Variants in MYH8 observed in about 807,000 individuals in gnomAD.
The protein encoded by MYH8 is myosin heavy chain 8.
Under a neutral mutation model 233.2 loss-of-function variants are expected in MYH8, and 168 were observed. That is an observed-to-expected ratio of 0.72 (90% CI 0.64 to 0.82). The LOEUF (loss-of-function observed/expected upper bound fraction) is 0.82. MYH8 is among the 40% of genes least tolerant of loss of function. MYH8 has a pLI of 0.00. For synonymous variants in MYH8, 785 were observed against 850.6 expected, an observed-to-expected ratio of 0.92 and a Z score of 1.34; for missense variants, 1,995 against 2,327.8, an observed-to-expected ratio of 0.86 and a Z score of 2.94.
In MYH8 at chr17:10,398,564, T is replaced by C; in HGVS notation, c.4058A>G (p.Glu1353Gly). The C allele has an allele frequency of 6.2e-7, 1 of 1,614,196 alleles. No individual in the cohort carries two copies. Among genetic ancestry groups the C allele is most frequent in the Non-Finnish European group, 8.5e-7 (1 of 1,180,026 alleles). Residue 1353 changes from glutamate to glycine, a missense_variant, in exon 30 of 40, where the codon GAG (glutamate) becomes GGG (glycine). By Grantham distance (98) the Glu-to-Gly change is moderately conservative. This residue lies in a region of MYH8 where 1,498 missense variants were observed against 1,680.9 expected (regional missense o/e 0.89). Transcript: ENST00000403437. ...CTGCAGCTCAGCTTTGCCTTCCTGC[T>C]CTTCCTCATACTGTTCCCGCAGCAG... Reference protein sequence around the residue: ...CDLLREQYEEEQEGKAELQRA... With the variant: ...CDLLREQYEEGQEGKAELQRA...
At chr17:10,407,458 T>C (rs2072204728) in intron 17 of MYH8, among the ~76,000 whole-genome samples, 1 of 152,220 alleles carries the variant, frequency 6.6e-6, no homozygotes. Context: ...AGTTAGCAAT[T>C]GTCCTAACTT....
At position 10,406,660 on chromosome 17, in the gene MYH8, T is replaced by C; in HGVS notation, c.2171+30A>G. The C allele has an allele frequency of 1.3e-6, 2 of 1,564,096 alleles. 1 individual carries two copies. Among genetic ancestry groups the C allele is most frequent in the Middle Eastern group, 3.8e-4 (2 of 5,332 alleles). Reference sequence around the variant, plus strand: ...TTTTTTAATACATACTAATTCACAGTGTTAATGAAATACATCAAAGAAGAC... The same window carrying C: ...TTTTTTAATACATACTAATTCACAGCGTTAATGAAATACATCAAAGAAGAC... On this transcript the variant is annotated intron_variant, in intron 19 of 39. Transcript: ENST00000403437.
chr17:10,399,572 G>T lies in MYH8; in HGVS notation c.3833C>A (p.Ala1278Glu), dbSNP rs1348715591. The change falls in exon 28 of 40, where the codon GCA becomes GAA. Residue 1278 changes from alanine to glutamate, a missense_variant. Ala to Glu is a moderately radical substitution (Grantham distance 107). Coordinates refer to ENST00000403437, the MANE Select transcript of MYH8 (RefSeq NM_002472.3). ...EQQRLINDLT[A>E]QRARLQTEAG... ...TTCTGTCTGCAGGCGCGCTCTCTGT[G>T]CTGTGAGGTCATTGATCAGCCGCTG... The T allele has an allele frequency of 1.2e-6, 2 of 1,613,936 alleles. No individual in the cohort carries two copies. The highest frequency in any genetic ancestry group is 3.4e-4 in the Middle Eastern group (2 of 5,874).
chr17:10,396,191 A>C lies in MYH8; in HGVS notation c.4653+139T>G. ...ATAGAATTGATAGGTCAGAGTATTT[A>C]CATTTTTAAGGATTTTGATAACTAT... On this transcript the variant is annotated intron_variant, in intron 33 of 39. Coordinates refer to ENST00000403437, the MANE Select transcript of MYH8 (RefSeq NM_002472.3). This position sits in a 1 kb window ranked among gnomAD's most constrained non-coding sequence, Gnocchi z 4.2. The C allele has an allele frequency of 1.0e-6, 1 of 1,000,562 alleles. No individual in the cohort carries two copies. Among genetic ancestry groups the C allele is most frequent in the Non-Finnish European group, 1.5e-6 (1 of 674,650 alleles). 62.0% of individuals were successfully genotyped at this position (1,000,562 alleles called of 1,614,324 possible).
Position 10,415,389 on chromosome 17 carries a change from A to G in MYH8, c.649-5T>C, listed in dbSNP as rs761056771. On this transcript the variant is annotated splice_polypyrimidine_tract_variant and splice_region_variant and intron_variant, in intron 7 of 39. Coordinates refer to ENST00000403437, the MANE Select transcript of MYH8 (RefSeq NM_002472.3). This position sits in a 1 kb window ranked among gnomAD's most constrained non-coding sequence, Gnocchi z 4.1. Reference sequence around the variant, plus strand: ...GATTTGATCTTCCAGAGTCCCCTGCAAAGGAAGGAGCAGTTCTCACATCTG... The same window carrying G: ...GATTTGATCTTCCAGAGTCCCCTGCGAAGGAAGGAGCAGTTCTCACATCTG... 8 of 1,614,146 alleles carry G rather than the reference A, an allele frequency of 5.0e-6. No individual in the cohort carries two copies. Among genetic ancestry groups the G allele is most frequent in the Non-Finnish European group, 5.9e-6 (7 of 1,179,978 alleles).
At chr17:10,420,851 C>T (rs2072332718) in intron 2 of MYH8, among the ~76,000 whole-genome samples, 3 of 151,926 alleles carry the variant, frequency 2.0e-5, no homozygotes, top group South Asian at 2.1e-4. Flanking sequence ...TGGGTTGTTC[C>T]CAACAGACTT....
chr17:10,397,568 C>T (rs867395883), intron 30 of MYH8, among the ~76,000 whole-genome samples: 1 of 152,188 alleles, frequency 6.6e-6, no homozygotes, highest in African/African-American at 2.4e-5. Context: ...CCATTGTATG[C>T]GCCTTACTAC....
intron 14 of MYH8, 152 bp downstream of exon 14, chr17:10,412,218 T>C: frequency 2.1e-6 from 3 of 1,455,980 alleles, no homozygotes; most frequent in Non-Finnish European, 1.9e-6. Context: ...AGTAGTACAT[T>C]ATGTTACCTC....
At chr17:10,391,794 G>A in intron 39 of MYH8, 88 bp downstream of exon 39, 1 of 999,524 alleles carries the variant, frequency 1.0e-6, no homozygotes, top group East Asian at 2.4e-5. Context: ...TTTTCACTTT[G>A]TCTTCTTCCT....
rs773169336 is a variant in MYH8, at chr17:10,410,801, A to G, written c.1563T>C (p.Ala521=). 5.0e-6 allele frequency: 8 copies of G among 1,613,856 alleles called. No individual in the cohort carries two copies. Among genetic ancestry groups the G allele is most frequent in the Non-Finnish European group, 6.8e-6 (8 of 1,179,908 alleles). Residue 521 remains alanine, a synonymous_variant, in exon 15 of 40, where the codon GCT becomes GCC. Coordinates refer to ENST00000403437, the MANE Select transcript of MYH8 (RefSeq NM_002472.3). ...CCTTCTCAATGAGCTCAATGCAGGC[A>G]GCCAGGTCCATCCCAAAGTCAATGA... The part of the protein sequence containing the change: ...WTFIDFGMDL[A]ACIELIEKPL...
Position 10,404,550 on chromosome 17 carries a change from G to C in MYH8, c.2468C>G (p.Ala823Gly). ...GGGCCAGTGCTTGACGTTCATGAAG[G>C]CACGGACATTATACTGGATGCAGAA... ...ALFCIQYNVRAFMNVKHWPWM... is the reference protein window; with the variant it reads ...ALFCIQYNVRGFMNVKHWPWM... Residue 823 changes from alanine (A) to glycine (G), a missense_variant, in exon 22 of 40, where the codon GCC (alanine) becomes GGC (glycine). By Grantham distance (60) the Ala-to-Gly change is moderately conservative. This residue lies in a region of MYH8 where 1,498 missense variants were observed against 1,680.9 expected (regional missense o/e 0.89). Transcript: ENST00000403437. 1 of 1,613,832 alleles carries C rather than the reference G, an allele frequency of 6.2e-7. No individual in the cohort carries two copies. Among genetic ancestry groups the C allele is most frequent in the Non-Finnish European group, 8.5e-7 (1 of 1,179,854 alleles).
chr17:10,406,612 G>A, intron 19 of MYH8, 78 bp downstream of exon 19: 2 of 1,399,176 alleles, frequency 1.4e-6, no homozygotes, highest in Non-Finnish European at 1.0e-6. Flanking sequence ...ACCACCACAA[G>A]ACTATATTAT....
At position 10,395,416 on chromosome 17, in the gene MYH8, T is replaced by C. The variant is rs1567681820; in HGVS notation, c.4679A>G (p.Lys1560Arg). The stretch of plus-strand genomic sequence containing the variant: ...TAACTCAAGCTGGATACGCAGAATC[T>C]TTCCTTCTTCATGTTCAAGAGATGC... ...AEASLEHEEG[K>R]ILRIQLELNQ... is the part of the protein sequence containing the mutation. Residue 1560 changes from lysine to arginine, a missense_variant, in exon 34 of 40, where the codon AAG becomes AGG. Transcript: ENST00000403437. The C allele has an allele frequency of 1.2e-6, 2 of 1,614,150 alleles. No homozygotes were observed. Among genetic ancestry groups the C allele is most frequent in the East Asian group, 2.2e-5 (1 of 44,888 alleles).
chr17:10,397,163 A>G (rs960321368), intron 30 of MYH8, among the ~76,000 whole-genome samples, 177 bp from the exon 31 acceptor site: 1 of 150,524 alleles, frequency 6.6e-6, no homozygotes, highest in Non-Finnish European at 1.5e-5. Flanking sequence ...GGTCACTGCG[A>G]CCTCCCGGGT....
chr17:10,396,566 AT>A lies in MYH8; in HGVS notation c.4514del (p.Asn1505IlefsTer28). The A allele has an allele frequency of 1.2e-6, 2 of 1,613,994 alleles. No homozygotes were observed. The highest frequency in any genetic ancestry group is 1.7e-6 in the Non-Finnish European group (2 of 1,179,966). On this transcript the variant is annotated frameshift_variant, in exon 32 of 40. Coordinates refer to ENST00000403437, the MANE Select transcript of MYH8 (RefSeq NM_002472.3). LOFTEE classifies it high-confidence loss of function. The surrounding 1 kb of genome is among the most constrained non-coding windows in gnomAD (Gnocchi z 4.2). Reference protein sequence around the residue: ...LDQLETLRRENKNLQQEISDL... With the variant: ...LDQLETLRREXKNLQQEISDL... ...GTGAGGACTCACGTTGCAAGTTCTT[AT>A]TTTCTCTTCTTAGCGTTTCGAGTTG...
chr17:10,421,246 A>C (rs1422290348), intron 2 of MYH8, among the ~76,000 whole-genome samples: 1 of 152,226 alleles, frequency 6.6e-6, no homozygotes, highest in Admixed American at 6.5e-5. Context: ...CTAACAACAA[A>C]TAACAAATAA....
chr17:10,405,856 A>G (rs1453442656), intron 21 of MYH8, among the ~76,000 whole-genome samples, 185 bp downstream of exon 21: 4 of 152,226 alleles, frequency 2.6e-5, no homozygotes, highest in African/African-American at 9.6e-5. Flanking sequence ...GGCTGGAGGT[A>G]GGAGAGAAGT....
chr17:10,401,843 T>A, intron 22 of MYH8, 58 bp from the exon 23 acceptor site: 1 of 1,609,162 alleles, frequency 6.2e-7, no homozygotes, highest in Non-Finnish European at 8.5e-7. Context: ...AACTTGGTGT[T>A]TTTTTTGCGC....
At chr17:10,398,712 G>A in intron 29 of MYH8, 56 bp downstream of exon 29, 1 of 1,612,876 alleles carries the variant, frequency 6.2e-7, no homozygotes, top group Non-Finnish European at 8.5e-7. Flanking sequence ...CCCAAGTAGA[G>A]CCTAACTGGG....
Sources: gnomAD v4.1 joint callset for allele counts (sites outside exome capture counted in the v4.1 genomes callset) on GRCh38, gnomAD v4.1.1 for gene constraint, gnomAD v4.1.1 regional missense constraint, Gnocchi (gnomAD v3.1) non-coding constraint, MANE v1.5 for transcripts, NCBI Gene and HGNC (gene_info 2026-07-23, HGNC 2026-07-21) for gene names.